Variants in NTM observed in about 807,000 individuals in gnomAD.
The protein encoded by NTM is neurotrimin.
Under a neutral mutation model 42.1 loss-of-function variants are expected in NTM, and 13 were observed. The observed-to-expected ratio is 0.31, with a 90% CI of 0.20 to 0.49. The LOEUF is 0.49. Ranked by LOEUF, NTM falls within the 20% of genes least tolerant of loss-of-function variation. The probability of loss-of-function intolerance (pLI) is 0.99; values close to 1 mark genes in which losing one functional copy is unlikely to be tolerated. For missense variants in NTM, 373 were observed against 452.8 expected (o/e 0.82, Z 1.60); for synonymous variants, 187 against 179.2 (o/e 1.04, Z -0.35).
chr11:131,721,812 C>A (rs1040357978), intron 1 of NTM, among the ~76,000 whole-genome samples: 1 of 151,780 alleles, frequency 6.6e-6, no homozygotes, highest in African/African-American at 2.4e-5. Flanking sequence ...GCCTGACCAA[C>A]ATGGAGAAAC....
intron 2 of NTM, among the ~76,000 whole-genome samples, chr11:132,087,703 A>G (rs1051868835): frequency 3.3e-5 from 5 of 152,124 alleles, no homozygotes; most frequent in African/African-American, 1.2e-4. Context: ...CTCTCACATA[A>G]AAGTTAACTC....
chr11:131,661,571 A>G (rs1437182651), intron 1 of NTM, among the ~76,000 whole-genome samples: 3 of 152,158 alleles, frequency 2.0e-5, no homozygotes, highest in Non-Finnish European at 4.4e-5. Flanking sequence ...CGAGGCTGAA[A>G]CATCACTTAC....
intron 1 of NTM, among the ~76,000 whole-genome samples, chr11:131,521,895 T>C (rs2049786590): frequency 6.6e-6 from 1 of 152,186 alleles, no homozygotes; most frequent in Admixed American, 6.5e-5. Flanking sequence ...TCCCCCTTTG[T>C]AATTGCTGAA....
intron 2 of NTM, among the ~76,000 whole-genome samples, chr11:132,081,948 T>TTATATA (rs10547769): frequency 6.9e-5 from 10 of 144,202 alleles, no homozygotes; most frequent in African/African-American, 2.5e-4. Flanking sequence ...ATATATATAT[T>TTATATA]TATATATATA....
At chr11:132,142,126 G>A (rs745795194) in intron 2 of NTM, among the ~76,000 whole-genome samples, 9 of 152,190 alleles carry the variant, frequency 5.9e-5, no homozygotes, top group Admixed American at 2.0e-4. Context: ...GGTTGTGGAC[G>A]AAAGGGGAGA....
rs1035788293 is a variant in NTM at position 131,487,801 on chromosome 11, G to A, written c.82+116913G>A. Among the ~76,000 whole-genome samples the A allele has an allele frequency of 4.6e-5, 7 of 152,200 alleles. No individual in the cohort carries two copies. In the East Asian group the frequency reaches 7.7e-4, roughly 17 times the overall value. ...AGGCTGGAGCCATGGAGGAAGGTCC[G>A]CCTGCCGGATCTCTAGCTTGGAAGG... is the stretch of plus-strand genomic sequence containing the variant. On this transcript the variant is annotated intron_variant, in intron 1 of 8. Coordinates refer to ENST00000683400, the MANE Select transcript of NTM (RefSeq NM_001352005.2).
intron 2 of NTM, among the ~76,000 whole-genome samples, chr11:131,919,247 T>A (rs1169603420): frequency 6.6e-6 from 1 of 152,154 alleles, no homozygotes; most frequent in African/African-American, 2.4e-5. Flanking sequence ...AACATCGTCC[T>A]TGTGTTATTT....
chr11:131,939,120 A>G (rs948566497), intron 2 of NTM, among the ~76,000 whole-genome samples: 3 of 152,166 alleles, frequency 2.0e-5, no homozygotes, highest in Admixed American at 2.0e-4. Flanking sequence ...CAAGATAAGG[A>G]GAAATTGTAG....
intron 4 of NTM, among the ~76,000 whole-genome samples, chr11:132,254,518 G>A (rs113485330): frequency 0.014 from 2,112 of 151,900 alleles, 46 homozygotes; most frequent in African/African-American, 0.046. Flanking sequence ...TCTGTGCTCC[G>A]CCGTGGCATT....
intron 4 of NTM, among the ~76,000 whole-genome samples, chr11:132,232,810 A>G (rs1200398492): frequency 6.6e-6 from 1 of 152,264 alleles, no homozygotes; most frequent in Non-Finnish European, 1.5e-5. Flanking sequence ...AACCCACCAC[A>G]GAGCAATCTT....
intron 1 of NTM, among the ~76,000 whole-genome samples, chr11:131,789,636 A>AGAAGAAGAGG (rs1555127949): frequency 3.2e-5 from 1 of 30,900 alleles, no homozygotes; most frequent in Admixed American, 2.7e-4. Context: ...AAGAAGAAGA[A>AGAAGAAGAGG]AAGAAGAAGA....
chr11:132,118,988 C>G (rs1440100093), intron 2 of NTM, among the ~76,000 whole-genome samples: 2 of 152,050 alleles, frequency 1.3e-5, no homozygotes, highest in African/African-American at 4.8e-5. Flanking sequence ...AGCGCCTCTC[C>G]CCCCAGCCTG....
chr11:131,453,072 T>C (rs1338597563), intron 1 of NTM, among the ~76,000 whole-genome samples: 5 of 152,196 alleles, frequency 3.3e-5, no homozygotes, highest in African/African-American at 1.2e-4. Context: ...AGCAGAGATA[T>C]TTCAGGGCCA....
At chr11:131,787,843 C>T (rs889153196) in intron 1 of NTM, among the ~76,000 whole-genome samples, 2 of 152,196 alleles carry the variant, frequency 1.3e-5, no homozygotes, top group Non-Finnish European at 2.9e-5. Flanking sequence ...ATCTGTTCAG[C>T]GTTTCTACTT....
intron 1 of NTM, among the ~76,000 whole-genome samples, chr11:131,475,358 T>C (rs1952819693): frequency 6.6e-6 from 1 of 152,198 alleles, no homozygotes; most frequent in South Asian, 2.1e-4. Context: ...GAGGTTTCTA[T>C]ATATTTTTCT....
At chr11:131,556,279 CCAAA>C (rs2055400013) in intron 1 of NTM, among the ~76,000 whole-genome samples, 2 of 152,242 alleles carry the variant, frequency 1.3e-5, no homozygotes, top group South Asian at 4.1e-4. Flanking sequence ...TCCCCTTCCC[CCAAA>C]CAGAGGGAAG....
chr11:131,852,623 G>T (rs1262564227), intron 1 of NTM, among the ~76,000 whole-genome samples: 1 of 152,044 alleles, frequency 6.6e-6, no homozygotes, highest in African/African-American at 2.4e-5. Context: ...CTGGGTCAGG[G>T]GCATGTTTTC....
In NTM at chr11:131,789,491, AGGAAAGAAGAAG is replaced by A. The variant is rs1227624842; in HGVS notation, c.83-122072_83-122061del. ...GAAGAAGAAGAAGAAGAAGAAGAAG[AGGAAAGAAGAAG>A]AAGAAGAAGAAGAAGAAGAAGAAGA... On this transcript the variant is annotated intron_variant, in intron 1 of 8. Coordinates refer to ENST00000683400, the MANE Select transcript of NTM (RefSeq NM_001352005.2). Among the ~76,000 whole-genome samples, 17 of 4,332 alleles carry A rather than the reference AGGAAAGAAGAAG, an allele frequency of 3.9e-3. 7 individuals carry two copies. The highest frequency in any genetic ancestry group is 5.5e-3 in the African/African-American group (6 of 1,082). 2.8% of individuals were successfully genotyped at this position (4,332 alleles called of 152,430 possible).
At chr11:131,386,124 T>C (rs1943288852) in intron 1 of NTM, among the ~76,000 whole-genome samples, 1 of 152,174 alleles carries the variant, frequency 6.6e-6, no homozygotes, top group Non-Finnish European at 1.5e-5. Context: ...CATAAATGGG[T>C]ATTACTCAGT....
Sources: gnomAD v4.1 joint callset for allele counts (sites outside exome capture counted in the v4.1 genomes callset) on GRCh38, gnomAD v4.1.1 for gene constraint, MANE v1.5 for transcripts, NCBI Gene and HGNC (gene_info 2026-07-23, HGNC 2026-07-21) for gene names.